Variants in LIFR observed in about 807,000 individuals in gnomAD.
LIFR encodes the protein leukemia inhibitory factor receptor.
In LIFR, 84 loss-of-function variants were observed where a neutral mutation model predicts 122.2. The ratio of observed to expected loss-of-function variants is 0.69; its 90% confidence interval spans 0.58 to 0.82. The LOEUF (loss-of-function observed/expected upper bound fraction) is 0.82. Among genes scored for constraint, LIFR ranks in the 40% least tolerant of loss-of-function variants. LIFR has a pLI of 0.00. For synonymous variants in LIFR, 422 were observed against 434.7 expected (o/e 0.97, Z 0.36); for missense variants, 1,294 against 1,311.6 (o/e 0.99, Z 0.21).
intron 3 of LIFR, 110 bp downstream of exon 3, chr5:38,528,616 G>C: frequency 1.3e-6 from 1 of 764,804 alleles, no homozygotes; most frequent in Non-Finnish European, 2.3e-6. Context: ...GCTGGACACA[G>C]AACACAAGCA....
chr5:38,553,613 C>T (rs1349856323), intron 1 of LIFR, among the ~76,000 whole-genome samples: 1 of 88,840 alleles, frequency 1.1e-5, no homozygotes, highest in African/African-American at 3.9e-5. Context: ...GGAGTTTGGA[C>T]CATTTAAACT....
In LIFR at chr5:38,506,082, T is replaced by A. The variant is rs1745462057; in HGVS notation, c.1122-8A>T. 6.4e-7 allele frequency: 1 copy of A among 1,567,250 alleles called. No homozygotes were observed. The highest frequency in any genetic ancestry group is 1.4e-5 in the African/African-American group (1 of 73,610). On this transcript the variant is annotated splice_region_variant and splice_polypyrimidine_tract_variant and intron_variant, in intron 8 of 19. Transcript: ENST00000453190. ...ACATATTTTCCTGAAAAACTGTTAA[T>A]TAACAGAAAAATAATTTCAAAATGG...
intron 7 of LIFR, among the ~76,000 whole-genome samples, chr5:38,510,149 T>C (rs907231077): frequency 1.3e-5 from 2 of 152,232 alleles, no homozygotes; most frequent in African/African-American, 4.8e-5. Context: ...AATGCAGGGT[T>C]AAGAAATATT....
chr5:38,562,776 T>G (rs1189243838), intron 1 of LIFR, among the ~76,000 whole-genome samples: 1 of 152,206 alleles, frequency 6.6e-6, no homozygotes, highest in Non-Finnish European at 1.5e-5. Flanking sequence ...ACCTTCAATA[T>G]TATGTACAAA....
rs1238083916 is a variant in LIFR at position 38,481,405 on chromosome 5, G to A, written c.*190C>T. ...TTGAGTTTTGTGGATTGAGGATTCT[G>A]AGTCACTATACTTTGGCTTTTAGAC... On this transcript the variant is annotated 3_prime_UTR_variant, in exon 20 of 20. Transcript: ENST00000453190. The A allele has an allele frequency of 9.4e-6, 6 of 637,542 alleles. No individual in the cohort carries two copies. The highest frequency in any genetic ancestry group is 5.7e-5 in the South Asian group (3 of 52,272). The allele number at this position is 637,542 out of a possible 1,614,324, so 39.5% of individuals were successfully genotyped here. A position where few individuals can be genotyped will look rare whatever the true frequency, so the allele number is the denominator to read the frequency against.
intron 1 of LIFR, among the ~76,000 whole-genome samples, chr5:38,567,769 T>C (rs1008233326): frequency 6.6e-6 from 1 of 152,064 alleles, no homozygotes; most frequent in Non-Finnish European, 1.5e-5. Context: ...CCACAGGTGA[T>C]CTGCCCACCT....
chr5:38,554,618 G>C (rs1481023014), intron 1 of LIFR, among the ~76,000 whole-genome samples: 1 of 152,144 alleles, frequency 6.6e-6, no homozygotes, highest in Non-Finnish European at 1.5e-5. Context: ...GGGGCAGGGG[G>C]AGCTGGTGCA....
chr5:38,530,834 A>G, intron 1 of LIFR, 168 bp from the exon 2 acceptor site: 1 of 642,422 alleles, frequency 1.6e-6, no homozygotes, highest in Non-Finnish European at 2.8e-6. Context: ...AGACATCAAT[A>G]ATTGGACACA....
chr5:38,589,170 A>T (rs1044407079), intron 1 of LIFR, among the ~76,000 whole-genome samples: 34 of 146,274 alleles, frequency 2.3e-4, no homozygotes, highest in African/African-American at 7.3e-4. Context: ...GCTAATTTTT[A>T]TTTTTTTTTT....
intron 1 of LIFR, among the ~76,000 whole-genome samples, chr5:38,553,969 A>G (rs747110737): frequency 1.2e-4 from 18 of 152,062 alleles, no homozygotes; most frequent in Non-Finnish European, 2.2e-4. Context: ...ATCTGTAACC[A>G]TATTATACTA....
intron 13 of LIFR, among the ~76,000 whole-genome samples, chr5:38,495,979 T>G (rs1744855445): frequency 2.0e-5 from 3 of 149,744 alleles, no homozygotes; most frequent in East Asian, 2.0e-4. Flanking sequence ...AAATAAGCGT[T>G]TTTTTTTTTT....
rs183780147 is a variant in LIFR at position 38,484,545 on chromosome 5, A to C, written c.2591+230T>G. Among the ~76,000 whole-genome samples the C allele has an allele frequency of 3.3e-5, 5 of 152,338 alleles. No individual in the cohort carries two copies. In the East Asian group the frequency reaches 9.6e-4, roughly 29 times the overall value. ...TTATAATAGTAACTGCTATGACTTT[A>C]AATTATTAGGAAAAATAGTAGAAAA... is the stretch of plus-strand genomic sequence containing the variant. On this transcript the variant is annotated intron_variant, in intron 18 of 19. Coordinates refer to ENST00000453190, the MANE Select transcript of LIFR (RefSeq NM_001127671.2).
intron 5 of LIFR, among the ~76,000 whole-genome samples, chr5:38,518,202 G>A (rs1301976218): frequency 6.6e-6 from 1 of 151,890 alleles, no homozygotes. Flanking sequence ...ACGTGAGAAG[G>A]GGAGGACATT....
chr5:38,585,063 G>A (rs1185865042), intron 1 of LIFR, among the ~76,000 whole-genome samples: 1 of 152,028 alleles, frequency 6.6e-6, no homozygotes, highest in Non-Finnish European at 1.5e-5. Context: ...ATTGTATGAT[G>A]GCTAAAGAAA....
chr5:38,494,478 G>C (rs1487622648), intron 13 of LIFR, among the ~76,000 whole-genome samples: 1 of 151,974 alleles, frequency 6.6e-6, no homozygotes, highest in Non-Finnish European at 1.5e-5. Flanking sequence ...AAGGGGCAAA[G>C]GCTGAGGGCA....
rs946711397 is a variant in LIFR, at chr5:38,481,341, A to G, written c.*254T>C. ...GAAATGCTTCTTGAAGGTAGAGTAC[A>G]TGAGAATTCTTTGGCTTGATCACAA... On this transcript the variant is annotated 3_prime_UTR_variant, in exon 20 of 20. Coordinates refer to ENST00000453190, the MANE Select transcript of LIFR (RefSeq NM_001127671.2). The G allele has an allele frequency of 3.6e-6, 2 of 551,186 alleles. No homozygotes were observed. Among genetic ancestry groups the G allele is most frequent in the South Asian group, 2.1e-5 (1 of 48,290 alleles). The allele number at this position is 551,186 out of a possible 1,614,324, so 34.1% of individuals were successfully genotyped here. A position where few individuals can be genotyped will look rare whatever the true frequency, so the allele number is the denominator to read the frequency against.
Position 38,482,223 on chromosome 5 carries a change from A to G in LIFR, c.2671-5T>C. 6.2e-7 allele frequency: 1 copy of G among 1,602,946 alleles called. No homozygotes were observed. Among genetic ancestry groups the G allele is most frequent in the South Asian group, 1.1e-5 (1 of 88,620 alleles). ...TGTTTTAAGAGCACTGCTTCCCTAG[A>G]AATAAATTTAAACACAGTGATTAAA... On this transcript the variant is annotated splice_polypyrimidine_tract_variant and splice_region_variant and intron_variant, in intron 19 of 19. Coordinates refer to ENST00000453190, the MANE Select transcript of LIFR (RefSeq NM_001127671.2).
At chr5:38,508,491 A>G (rs908627311) in intron 7 of LIFR, among the ~76,000 whole-genome samples, 2 of 152,246 alleles carry the variant, frequency 1.3e-5, no homozygotes, top group African/African-American at 2.4e-5. Context: ...AATCCCAATC[A>G]AAACGCCAGC....
upstream of LIFR, among the ~76,000 whole-genome samples, chr5:38,599,523 G>A (rs1172703101): frequency 6.6e-6 from 1 of 152,176 alleles, no homozygotes; most frequent in East Asian, 1.9e-4. Context: ...CTATGTTACA[G>A]GTGGTCTTTG....
Sources: gnomAD v4.1 joint callset for allele counts (sites outside exome capture counted in the v4.1 genomes callset) on GRCh38, gnomAD v4.1.1 for gene constraint, MANE v1.5 for transcripts, NCBI Gene and HGNC (gene_info 2026-07-23, HGNC 2026-07-21) for gene names.